Variants in VPS13B observed in about 807,000 individuals in gnomAD.
VPS13B encodes the protein vacuolar protein sorting 13 homolog B, also known as intermembrane lipid transfer protein VPS13B.
In VPS13B, 285 loss-of-function variants were observed where a neutral mutation model predicts 426.4. The ratio of observed to expected loss-of-function variants is 0.67; its 90% confidence interval spans 0.61 to 0.74. The LOEUF (loss-of-function observed/expected upper bound fraction) is 0.74, where lower values mean the gene tolerates loss of function less well. Among genes scored for constraint, VPS13B ranks in the 30% least tolerant of loss-of-function variants. The pLI is 0.00. For missense variants in VPS13B, 4,537 were observed against 4,782.6 expected (o/e 0.95, Z 1.51); for synonymous variants, 1,676 against 1,676.4 (o/e 1.00, Z 0.01).
intron 21 of VPS13B, among the ~76,000 whole-genome samples, chr8:99,425,086 C>T (rs1216729599): frequency 6.6e-6 from 1 of 151,924 alleles, no homozygotes; most frequent in Admixed American, 6.6e-5. Flanking sequence ...GCTTACCAAC[C>T]AAAAAAAGTC....
intron 19 of VPS13B, among the ~76,000 whole-genome samples, chr8:99,295,286 C>T (rs6468678): frequency 0.74 from 112,685 of 151,970 alleles, 42,426 homozygotes; most frequent in South Asian, 0.87. Context: ...TATAAACAGC[C>T]TAAAGGAAAA....
chr8:99,497,169 T>A (rs1473930167), intron 25 of VPS13B, among the ~76,000 whole-genome samples: 11 of 134,000 alleles, frequency 8.2e-5, no homozygotes, highest in Admixed American at 7.7e-5. Context: ...AAAAATATAT[T>A]TATATATTTA....
chr8:99,739,157 C>T (rs4531021), intron 39 of VPS13B, among the ~76,000 whole-genome samples: 4,932 of 152,322 alleles, frequency 0.032, 98 homozygotes, highest in East Asian at 0.047. Flanking sequence ...TCTTAGCAAA[C>T]GGCACACCAG....
intron 30 of VPS13B, among the ~76,000 whole-genome samples, chr8:99,537,414 A>G (rs1346978773): frequency 1.3e-4 from 20 of 152,194 alleles, no homozygotes; most frequent in Non-Finnish European, 2.9e-5. Flanking sequence ...TATAACATTT[A>G]TAGGTGAATT....
chr8:99,573,222 G>A (rs2133803028), intron 31 of VPS13B, among the ~76,000 whole-genome samples: 1 of 152,234 alleles, frequency 6.6e-6, no homozygotes, highest in South Asian at 2.1e-4. Flanking sequence ...TGAGTAGCTT[G>A]CAAAAATTTT....
At chr8:99,234,095 G>A (rs1044727471) in intron 17 of VPS13B, 29 of 786,822 alleles carry the variant, frequency 3.7e-5, no homozygotes, top group African/African-American at 2.7e-4. Flanking sequence ...CCCCCAGGGC[G>A]TGACCTTGCT....
intron 34 of VPS13B, among the ~76,000 whole-genome samples, chr8:99,646,795 G>A (rs1829596660): frequency 6.6e-6 from 1 of 152,068 alleles, no homozygotes; most frequent in African/African-American, 2.4e-5. Context: ...GTTGTTTAAA[G>A]AATGTGGCGC....
chr8:99,389,521 A>T (rs910270706), intron 20 of VPS13B: 1 of 152,192 alleles, frequency 6.6e-6, no homozygotes, highest in African/African-American at 2.4e-5. Flanking sequence ...CATATTTTAT[A>T]TATGTGCTAT....
intron 19 of VPS13B, among the ~76,000 whole-genome samples, chr8:99,351,460 G>GTA (rs1554747878): frequency 2.6e-5 from 4 of 151,852 alleles, no homozygotes; most frequent in Admixed American, 1.3e-4. Flanking sequence ...GTGTGTGTGT[G>GTA]TGTATGTATG....
At chr8:99,748,786 C>T (rs533283370) in intron 39 of VPS13B, among the ~76,000 whole-genome samples, 5 of 152,024 alleles carry the variant, frequency 3.3e-5, no homozygotes, top group African/African-American at 1.2e-4. Flanking sequence ...TCTCTCTATT[C>T]GCAGTTTCCT....
rs1406222886 is a variant in VPS13B, at chr8:99,134,651, A to G, written c.1226A>G (p.Glu409Gly). The G allele has an allele frequency of 2.5e-6, 4 of 1,607,830 alleles. No homozygotes were observed. Among genetic ancestry groups the G allele is most frequent in the Non-Finnish European group, 3.4e-6 (4 of 1,176,788 alleles). ...VTFKLTEMQV[E>G]SSYYSPQKVK... is the part of the protein sequence containing the mutation. The stretch of plus-strand genomic sequence containing the variant: ...TCTTAGCTCACAGAAATGCAAGTTG[A>G]GAGTAGTTATTACAGTCCACAGAAA... Residue 409 changes from glutamate to glycine, a missense_variant, in exon 9 of 62, where the codon GAG becomes GGG. By Grantham distance (98) the Glu-to-Gly change is moderately conservative. This residue lies in a region of VPS13B where 4,311 missense variants were observed against 4,474.3 expected (regional missense o/e 0.96). Coordinates refer to ENST00000357162, the MANE Select transcript of VPS13B (RefSeq NM_152564.5).
At chr8:99,581,776 C>G (rs1826072455) in intron 33 of VPS13B, among the ~76,000 whole-genome samples, 1 of 152,122 alleles carries the variant, frequency 6.6e-6, no homozygotes, top group Admixed American at 6.5e-5. Flanking sequence ...TGCGTTATGA[C>G]AGGCTGAGAA....
chr8:99,198,041 A>G (rs1032785251), intron 17 of VPS13B, among the ~76,000 whole-genome samples: 2 of 152,194 alleles, frequency 1.3e-5, no homozygotes, highest in Admixed American at 6.5e-5. Context: ...CACACTTTGA[A>G]AAAATGAGGG....
chr8:99,449,907 C>T (rs188212086), intron 23 of VPS13B, among the ~76,000 whole-genome samples: 48 of 152,130 alleles, frequency 3.2e-4, no homozygotes, highest in Middle Eastern at 3.4e-3. Flanking sequence ...TGGGTTCAAG[C>T]AATTCTCCTG....
intron 17 of VPS13B, among the ~76,000 whole-genome samples, chr8:99,250,664 CTTTTTTTTTTTTTTTT>C (rs60698750): frequency 1.1e-4 from 4 of 35,806 alleles, no homozygotes; most frequent in Non-Finnish European, 1.4e-4. Context: ...TGTGTTTATT[CTTTTTTTTTTTTTTTT>C]TTTTTTTTTT....
chr8:99,696,823 G>T (rs1832027450), intron 35 of VPS13B: 1 of 1,320,204 alleles, frequency 7.6e-7, no homozygotes, highest in Non-Finnish European at 1.1e-6. Context: ...ACCTGTCACG[G>T]CCGCAGCTGG....
intron 54 of VPS13B, among the ~76,000 whole-genome samples, chr8:99,843,572 T>C (rs543089183): frequency 5.8e-4 from 88 of 152,246 alleles, no homozygotes; most frequent in African/African-American, 2.1e-3. Context: ...AGGGTAACAG[T>C]AATAACCCCT....
At chr8:99,246,629 A>T (rs1563624338) in intron 17 of VPS13B, among the ~76,000 whole-genome samples, 2 of 152,082 alleles carry the variant, frequency 1.3e-5, no homozygotes, top group Non-Finnish European at 2.9e-5. Flanking sequence ...GCACTTTGGG[A>T]GGCCGAGGTG....
intron 33 of VPS13B, among the ~76,000 whole-genome samples, chr8:99,583,892 C>A (rs1483632310): frequency 6.6e-6 from 1 of 151,968 alleles, no homozygotes; most frequent in East Asian, 1.9e-4. Context: ...TTGAGGTAGT[C>A]ATGAATGGAA....
Sources: gnomAD v4.1 joint callset for allele counts (sites outside exome capture counted in the v4.1 genomes callset) on GRCh38, gnomAD v4.1.1 for gene constraint, gnomAD v4.1.1 regional missense constraint, MANE v1.5 for transcripts, NCBI Gene and HGNC (gene_info 2026-07-23, HGNC 2026-07-21) for gene names.